The following CATSPERE variants were observed in gnomAD, a reference collection of about 807,000 sequenced individuals.
CATSPERE encodes the protein cation channel sperm-associated auxiliary subunit epsilon.
CATSPERE carries 93 observed loss-of-function variants against 114.1 expected under a neutral mutation model. The ratio of observed to expected loss-of-function variants is 0.81; its 90% CI spans 0.69 to 0.97. The LOEUF (loss-of-function observed/expected upper bound fraction) is 0.97. Among genes scored for constraint, CATSPERE ranks in the 50% least tolerant of loss-of-function variants. CATSPERE has a pLI of 0.00. For synonymous variants in CATSPERE, 341 were observed against 384.1 expected (o/e 0.89, Z 1.31); for missense variants, 1,058 against 1,131.6 (o/e 0.93, Z 0.93).
intron 20 of CATSPERE, among the ~76,000 whole-genome samples, chr1:244,618,643 G>A (rs983829796): frequency 6.6e-6 from 1 of 152,170 alleles, no homozygotes; most frequent in Admixed American, 6.5e-5. Flanking sequence ...TGGGTGTGGT[G>A]GTGCATGCCT....
In CATSPERE at chr1:244,572,697, T is replaced by C. The variant is rs886174764; in HGVS notation, c.1875T>C (p.Ser625=). 6.2e-7 allele frequency: 1 copy of C among 1,613,820 alleles called. No homozygotes were observed. Among genetic ancestry groups the C allele is most frequent in the Non-Finnish European group, 8.5e-7 (1 of 1,179,906 alleles). ...ENTGLYVIVE[S]YGPKILQESH... is the part of the protein sequence containing the mutation. ...CTGGTCTGTATGTTATTGTGGAATC[T>C]TATGGCCCAAAAATATTACAAGAGA... The change falls in exon 11 of 22, where the codon TCT becomes TCC. Residue 625 remains serine (S), a synonymous_variant. Transcript: ENST00000366534.
intron 8 of CATSPERE, among the ~76,000 whole-genome samples, chr1:244,539,722 A>G (rs61844672): frequency 8.9e-6 from 1 of 112,770 alleles, no homozygotes; most frequent in African/African-American, 3.2e-5. Flanking sequence ...GTGTCGAGGA[A>G]TTTATCCATT....
chr1:244,472,302 T>C (rs3124064), intron 2 of CATSPERE, among the ~76,000 whole-genome samples: 100,917 of 152,134 alleles, frequency 0.66, 34,203 homozygotes, highest in African/African-American at 0.8. Flanking sequence ...TGCATTCCCA[T>C]GAGCAGCAGA....
At chr1:244,496,622 A>G (rs1673139999) in intron 6 of CATSPERE, among the ~76,000 whole-genome samples, 1 of 152,222 alleles carries the variant, frequency 6.6e-6, no homozygotes, top group Non-Finnish European at 1.5e-5. Context: ...AAGGCATACT[A>G]TTTCCTTAAT....
rs1365745690 is a variant in CATSPERE at position 244,621,093 on chromosome 1, A to ATT, written c.2648+3407_2648+3408insTT. 3.5e-4 allele frequency among the ~76,000 whole-genome samples: 24 copies of ATT among 69,486 alleles called. 3 individuals are homozygous for ATT. Among genetic ancestry groups the ATT allele is most frequent in the African/African-American group, 6.5e-4 (12 of 18,496 alleles). 45.6% of individuals were successfully genotyped at this position (69,486 alleles called of 152,430 possible). A position where few individuals can be genotyped will look rare whatever the true frequency, so the allele number is the denominator to read the frequency against. Reference sequence around the variant, plus strand: ...ATAAAATATATATATAAATATATATAAAATATATATAAATATATATATAAT... The same window carrying ATT: ...ATAAAATATATATATAAATATATATATTAAATATATATAAATATATATATAAT... On this transcript the variant is annotated intron_variant, in intron 20 of 21. Transcript: ENST00000366534.
At chr1:244,536,225 G>A (rs1332089818) in intron 8 of CATSPERE, among the ~76,000 whole-genome samples, 1 of 151,788 alleles carries the variant, frequency 6.6e-6, no homozygotes. Flanking sequence ...GCCTAGTGTT[G>A]GGGAGGGGTG....
At chr1:244,479,826 A>C in intron 5 of CATSPERE, 42 bp downstream of exon 5, 1 of 1,105,638 alleles carries the variant, frequency 9.0e-7, no homozygotes, top group Non-Finnish European at 1.3e-6. Flanking sequence ...GCTTTTAAAG[A>C]GTATTTAGCT....
intron 11 of CATSPERE, among the ~76,000 whole-genome samples, chr1:244,578,635 G>C (rs1482355004): frequency 2.0e-5 from 3 of 150,704 alleles, no homozygotes; most frequent in African/African-American, 7.3e-5. Context: ...CACATTTACT[G>C]TAGACCTCAG....
chr1:244,538,990 C>G (rs1227486774), intron 8 of CATSPERE, among the ~76,000 whole-genome samples: 1 of 152,102 alleles, frequency 6.6e-6, no homozygotes, highest in African/African-American at 2.4e-5. Context: ...ATCCATAGGT[C>G]AGCTGCACGT....
chr1:244,608,425 A>G (rs754404398), intron 18 of CATSPERE, among the ~76,000 whole-genome samples: 1 of 151,552 alleles, frequency 6.6e-6, no homozygotes, highest in Non-Finnish European at 1.5e-5. Context: ...AGTCCTAGCT[A>G]CTCAGGAGGC....
At position 244,528,269 on chromosome 1, in the gene CATSPERE, C is replaced by G. The variant is rs1341094878; in HGVS notation, c.536+9571C>G. ...TTGCTGAGCATAATGGCTTCCAGCT[C>G]CATCCATACCCCTGGTGTAAACATG... On this transcript the variant is annotated intron_variant, in intron 8 of 21. Transcript: ENST00000366534. Among the ~76,000 whole-genome samples, 4 of 152,274 alleles carry G rather than the reference C, an allele frequency of 2.6e-5. No homozygotes were observed. In the East Asian group the frequency reaches 5.8e-4, roughly 22 times the overall value.
rs1250927243 is a variant in CATSPERE, at chr1:244,518,823, TA to T, written c.536+131del. 4 of 528,498 alleles carry T rather than the reference TA, an allele frequency of 7.6e-6. No homozygotes were observed. The East Asian group carries it at 1.4e-4, about 18-fold the overall frequency. 32.7% of individuals were successfully genotyped at this position (528,498 alleles called of 1,614,324 possible). ...TTCAAGTGCCTTCTTTTATAAAACA[TA>T]AAAAATTTGATAATCAGAACTAATT... On this transcript the variant is annotated intron_variant, in intron 8 of 21. Transcript: ENST00000366534.
intron 5 of CATSPERE, among the ~76,000 whole-genome samples, chr1:244,484,394 C>T (rs555578034): frequency 6.6e-6 from 1 of 152,316 alleles, no homozygotes; most frequent in Non-Finnish European, 1.5e-5. Context: ...AGAAGAGAAA[C>T]ACTGATAACA....
At chr1:244,582,560 G>A (rs1226110507) in intron 12 of CATSPERE, among the ~76,000 whole-genome samples, 1 of 151,658 alleles carries the variant, frequency 6.6e-6, no homozygotes, top group African/African-American at 2.4e-5. Flanking sequence ...GCGCCACCAC[G>A]GCCGGCTAAT....
intron 5 of CATSPERE, 133 bp downstream of exon 5, chr1:244,479,917 A>G (rs1023765013): frequency 1.2e-5 from 5 of 433,004 alleles, no homozygotes; most frequent in Admixed American, 8.6e-5. Context: ...GCTATTCTCA[A>G]ATATACTGCC....
intron 8 of CATSPERE, among the ~76,000 whole-genome samples, chr1:244,533,259 G>A (rs940118264): frequency 6.6e-6 from 1 of 151,916 alleles, no homozygotes; most frequent in Non-Finnish European, 1.5e-5. Flanking sequence ...TATAGGTTAA[G>A]CATATTTCTT....
intron 17 of CATSPERE, among the ~76,000 whole-genome samples, chr1:244,595,952 T>G (rs1265708250): frequency 6.6e-6 from 1 of 151,938 alleles, no homozygotes. Context: ...AAAAAAAAAT[T>G]TGCTTTAGCT....
chr1:244,563,059 T>C (rs187112080), intron 10 of CATSPERE, among the ~76,000 whole-genome samples: 3 of 152,338 alleles, frequency 2.0e-5, no homozygotes, highest in Admixed American at 1.3e-4. Flanking sequence ...GCAAAGGACA[T>C]GAATTCAGCC....
rs58959857 is a variant in CATSPERE, at chr1:244,573,412, A to AAAAACAAAACAAAAC, written c.1950+660_1950+674dup. ...GGTGACAGAGTGAGACTCCCTCTCA[A>AAAAACAAAACAAAAC]AAAACAAAACAAAACAAAACAAAAC... On this transcript the variant is annotated intron_variant, in intron 11 of 21. Coordinates refer to ENST00000366534, the MANE Select transcript of CATSPERE (RefSeq NM_001130957.2). This position sits in a 1 kb window ranked among gnomAD's most constrained non-coding sequence, Gnocchi z 4.0. 0.08 allele frequency among the ~76,000 whole-genome samples: 11,936 copies of AAAAACAAAACAAAAC among 149,956 alleles called. 810 individuals are homozygous for AAAAACAAAACAAAAC. Among genetic ancestry groups the AAAAACAAAACAAAAC allele is most frequent in the East Asian group, 0.36 (1,822 of 5,018 alleles).
Sources: gnomAD v4.1 joint callset for allele counts (sites outside exome capture counted in the v4.1 genomes callset) on GRCh38, gnomAD v4.1.1 for gene constraint, Gnocchi (gnomAD v3.1) non-coding constraint, MANE v1.5 for transcripts, NCBI Gene and HGNC (gene_info 2026-07-23, HGNC 2026-07-21) for gene names.